ZPBP: variants seen among roughly 807,000 people sequenced by gnomAD.
ZPBP encodes the protein zona pellucida-binding protein 1.
A neutral mutation model predicts 44.8 loss-of-function variants in ZPBP; 26 were observed. That is an observed-to-expected ratio of 0.58 (90% CI 0.43 to 0.81). The LOEUF (loss-of-function observed/expected upper bound fraction) is 0.81. Ranked by LOEUF, ZPBP falls within the 30% of genes least tolerant of loss-of-function variation. The pLI is 0.00. For missense variants in ZPBP, 409 were observed against 434.0 expected, an observed-to-expected ratio of 0.94 and a Z score of 0.51; for synonymous variants, 174 against 153.2, an observed-to-expected ratio of 1.14 and a Z score of -1.00.
At chr7:49,959,716 A>G (rs186118596) in intron 7 of ZPBP, among the ~76,000 whole-genome samples, 84 of 152,320 alleles carry the variant, frequency 5.5e-4, no homozygotes, top group African/African-American at 1.8e-3. Flanking sequence ...TTCAAATTAC[A>G]GTTGAACTCT....
intron 3 of ZPBP, among the ~76,000 whole-genome samples, chr7:50,070,510 C>G (rs1421311096): frequency 6.6e-6 from 1 of 152,248 alleles, no homozygotes; most frequent in Non-Finnish European, 1.5e-5. Flanking sequence ...GGGTCTCACC[C>G]AGCCCTGGGG....
chr7:50,046,545 A>G (rs980024984), intron 4 of ZPBP, among the ~76,000 whole-genome samples: 1 of 152,200 alleles, frequency 6.6e-6, no homozygotes, highest in Non-Finnish European at 1.5e-5. Flanking sequence ...TATGAAAAAA[A>G]GCTCATCATC....
At chr7:49,870,583 G>A (rs988020053) in intron 2 of ZPBP, among the ~76,000 whole-genome samples, 1 of 152,146 alleles carries the variant, frequency 6.6e-6, no homozygotes, top group African/African-American at 2.4e-5. Flanking sequence ...TACAGGGCAT[G>A]TCTTACGAGT....
At chr7:49,895,387 TCACAGCATTGTGCATCA>T (rs1792333744) in intron 2 of ZPBP, among the ~76,000 whole-genome samples, 1 of 152,174 alleles carries the variant, frequency 6.6e-6, no homozygotes, top group Admixed American at 6.5e-5. Flanking sequence ...AATATTCAGA[TCACAGCATTGTGCATCA>T]GCACCAGTGA....
intron 3 of ZPBP, among the ~76,000 whole-genome samples, chr7:50,080,598 A>G (rs867125195): frequency 6.6e-6 from 1 of 151,824 alleles, no homozygotes; most frequent in African/African-American, 2.4e-5. Context: ...AAATGTTTCT[A>G]TATTTCAACT....
At chr7:50,049,211 G>C (rs1366845402) in intron 4 of ZPBP, among the ~76,000 whole-genome samples, 1 of 151,902 alleles carries the variant, frequency 6.6e-6, no homozygotes, top group East Asian at 1.9e-4. Context: ...AAGCCCAAAG[G>C]TCTTCACTGA....
intron 6 of ZPBP, among the ~76,000 whole-genome samples, chr7:49,984,807 G>A (rs1343408718): frequency 1.3e-5 from 2 of 152,108 alleles, no homozygotes; most frequent in African/African-American, 4.8e-5. Context: ...TTAGATTTGG[G>A]TTCCATCCCC....
intron 6 of ZPBP, among the ~76,000 whole-genome samples, chr7:49,984,705 T>G (rs1450645638): frequency 6.6e-6 from 1 of 152,188 alleles, no homozygotes; most frequent in East Asian, 1.9e-4. Context: ...GTGGCCTGTT[T>G]CCTATCAGGC....
chr7:49,877,474 AAAAAAAAAT>A (rs1791464712), intron 2 of ZPBP, among the ~76,000 whole-genome samples: 2 of 46,270 alleles, frequency 4.3e-5, no homozygotes, highest in Non-Finnish European at 3.8e-5. Flanking sequence ...AAAAAAAAAA[AAAAAAAAAT>A]ATATATATAT....
At chr7:50,082,583 C>A (rs571522437) in intron 2 of ZPBP, among the ~76,000 whole-genome samples, 80 of 151,880 alleles carry the variant, frequency 5.3e-4, no homozygotes, top group Middle Eastern at 3.4e-3. Context: ...CAACTCTTCA[C>A]TGATACACTG....
chr7:49,936,360 TC>T (rs1436738451), downstream of ZPBP, among the ~76,000 whole-genome samples: 10 of 152,218 alleles, frequency 6.6e-5, no homozygotes, highest in African/African-American at 1.9e-4. Flanking sequence ...TCATTTATCT[TC>T]CCTTTGTGTC....
At chr7:49,978,784 T>C (rs1173781290) in intron 7 of ZPBP, among the ~76,000 whole-genome samples, 2 of 152,032 alleles carry the variant, frequency 1.3e-5, no homozygotes, top group Non-Finnish European at 2.9e-5. Context: ...ATTTGTTAAA[T>C]CATTTTCTAT....
At chr7:50,015,177 T>G (rs541445315) in intron 6 of ZPBP, among the ~76,000 whole-genome samples, 1 of 151,664 alleles carries the variant, frequency 6.6e-6, no homozygotes, top group Non-Finnish European at 1.5e-5. Context: ...GAAAGAAAGA[T>G]AAACATATTG....
intron 7 of ZPBP, among the ~76,000 whole-genome samples, chr7:49,980,697 C>T (rs948594130): frequency 4.6e-5 from 7 of 151,904 alleles, no homozygotes; most frequent in African/African-American, 1.2e-4. Context: ...TCGGTCACCC[C>T]GAGGGAGAAT....
chr7:49,917,452 T>C (rs1793785094), intron 1 of ZPBP: 1 of 152,214 alleles, frequency 6.6e-6, no homozygotes, highest in Admixed American at 6.5e-5. Flanking sequence ...ATGAGCAGTT[T>C]ATGATTTAAG....
chr7:49,938,330 T>C (rs1794701205), intron 7 of ZPBP, among the ~76,000 whole-genome samples: 1 of 152,296 alleles, frequency 6.6e-6, no homozygotes, highest in Admixed American at 6.5e-5. Flanking sequence ...TTAATTCAGT[T>C]TGATCATCCC....
At chr7:50,009,727 C>A (rs1214114028) in intron 6 of ZPBP, among the ~76,000 whole-genome samples, 1 of 151,766 alleles carries the variant, frequency 6.6e-6, no homozygotes, top group East Asian at 1.9e-4. Flanking sequence ...GATAGAAAAT[C>A]CCAAAGAATG....
At chr7:50,023,447 TA>T (rs35212834) in intron 5 of ZPBP, among the ~76,000 whole-genome samples, 1,899 of 150,852 alleles carry the variant, frequency 0.013, 46 homozygotes, top group African/African-American at 0.044. Flanking sequence ...AACAAGACGA[TA>T]AAAAAAAATG....
the ZPBP span, among the ~76,000 whole-genome samples, chr7:49,843,866 A>G: frequency 6.6e-5 from 10 of 152,344 alleles, no homozygotes; most frequent in Admixed American, 3.3e-4. Flanking sequence ...GGATGAATGG[A>G]AAAAAGAAGA....
Sources: allele counts gnomAD v4.1 joint callset (sites outside exome capture counted in the v4.1 genomes callset), GRCh38; gene constraint gnomAD v4.1.1; transcripts MANE v1.5; gene names NCBI Gene and HGNC (gene_info 2026-07-23, HGNC 2026-07-21).